RAD21: variants seen among roughly 807,000 people sequenced by gnomAD.
RAD21 encodes RAD21 cohesin complex component.
A neutral mutation model predicts 71.5 loss-of-function variants in RAD21; 18 were observed. The observed-to-expected ratio is 0.25, with a 90% CI of 0.17 to 0.37. RAD21 has a LOEUF of 0.37. Among genes scored for constraint, RAD21 ranks in the 10% least tolerant of loss-of-function variants. The pLI, the probability that RAD21 is intolerant of heterozygous loss-of-function variation, is 1.00. For synonymous variants in RAD21, 248 were observed against 254.0 expected (o/e 0.98, Z 0.22); for missense variants, 493 against 769.1 (o/e 0.64, Z 4.25).
rs1812368929 is a variant in RAD21, at chr8:116,852,376, A to C, written c.1321+173T>G. ...CCAGTTCTGAACCTTAAAACTCTGG[A>C]AAGACAGGAGGCTTCATACTTAAAT... is the stretch of plus-strand genomic sequence containing the variant. On this transcript the variant is annotated intron_variant, in intron 10 of 13. Transcript: ENST00000297338. 3 of 755,794 alleles carry C rather than the reference A, an allele frequency of 4.0e-6. No homozygotes were observed. In the South Asian group the frequency reaches 7.1e-5, roughly 18 times the overall value. 46.8% of individuals were successfully genotyped at this position (755,794 alleles called of 1,614,324 possible).
chr8:116,872,539 T>TAC (rs5894355), intron 1 of RAD21, among the ~76,000 whole-genome samples: 9,862 of 148,264 alleles, frequency 0.067, 402 homozygotes, highest in African/African-American at 0.12. Flanking sequence ...TATATATACA[T>TAC]ACACACACAC....
intron 1 of RAD21, among the ~76,000 whole-genome samples, chr8:116,873,297 G>C (rs1321637447): frequency 6.6e-6 from 1 of 152,158 alleles, no homozygotes; most frequent in Non-Finnish European, 1.5e-5. Flanking sequence ...TATTAGTTAT[G>C]CACTGCTGTC....
intron 8 of RAD21, among the ~76,000 whole-genome samples, chr8:116,855,781 T>G (rs1031190854): frequency 1.3e-5 from 2 of 152,106 alleles, no homozygotes; most frequent in Non-Finnish European, 2.9e-5. Flanking sequence ...AGAATTGTAC[T>G]TTATTGAAAA....
At position 116,856,292 on chromosome 8, in the gene RAD21, T is replaced by TATA; in HGVS notation, c.815-5_815-4insTAT. 2 of 1,174,442 alleles carry TATA rather than the reference T, an allele frequency of 1.7e-6. No individual in the cohort carries two copies. The highest frequency in any genetic ancestry group is 2.1e-6 in the Non-Finnish European group (2 of 952,168). 72.8% of individuals were successfully genotyped at this position (1,174,442 alleles called of 1,614,324 possible). ...TCAGGACTATCAGGCCCACCCACTG[T>TATA]AAAAAAAAAAAAAAAAAAAAAAAGT... On this transcript the variant is annotated splice_polypyrimidine_tract_variant and splice_region_variant and intron_variant, in intron 7 of 13. Coordinates refer to ENST00000297338, the MANE Select transcript of RAD21 (RefSeq NM_006265.3).
At chr8:116,859,099 A>AG (rs1415004927) in intron 4 of RAD21, among the ~76,000 whole-genome samples, 23 of 131,452 alleles carry the variant, frequency 1.7e-4, no homozygotes, top group Non-Finnish European at 2.7e-4. Flanking sequence ...TCGAACTGGG[A>AG]GAAAAAAAAA....
At position 116,854,261 on chromosome 8, in the gene RAD21, T is replaced by C. The variant is rs143272532; in HGVS notation, c.1145A>G (p.Asn382Ser). The change falls in exon 9 of 14, where the codon AAT becomes AGT. Residue 382 changes from asparagine to serine, a missense_variant. This residue lies in a region of RAD21 where 42 missense variants were observed against 117.2 expected (regional missense o/e 0.36). Coordinates refer to ENST00000297338, the MANE Select transcript of RAD21 (RefSeq NM_006265.3). ...LFSLPAQPLW[N>S]NRLLKLFTRC... ...CTATATTACCTTCAGTAGTCTGTTA[T>C]TCCACAAAGGCTGAGCAGGTAAAGA... is the stretch of plus-strand genomic sequence containing the variant. 3.3e-5 allele frequency: 53 copies of C among 1,612,214 alleles called. No homozygotes were observed. Among genetic ancestry groups the C allele is most frequent in the African/African-American group, 5.3e-5 (4 of 74,858 alleles).
intron 2 of RAD21, among the ~76,000 whole-genome samples, 165 bp downstream of exon 2, chr8:116,866,421 T>C (rs1043077966): frequency 6.6e-6 from 1 of 152,150 alleles, no homozygotes; most frequent in Admixed American, 6.6e-5. Context: ...TGTAATCATA[T>C]CAAGTCTATC....
In RAD21 at chr8:116,850,905, A is replaced by G; in HGVS notation, c.1471-138T>C. 5.7e-6 allele frequency: 3 copies of G among 522,482 alleles called. No individual in the cohort carries two copies. The Admixed American group carries it at 1.0e-4, about 18-fold the overall frequency. 32.4% of individuals were successfully genotyped at this position (522,482 alleles called of 1,614,324 possible). On this transcript the variant is annotated intron_variant, in intron 11 of 13. Transcript: ENST00000297338. ...TATATCTCTATACTTCCCCACAAGG[A>G]AAAATTTATTACAGTATATATCTTT...
chr8:116,852,035 T>C lies in RAD21; in HGVS notation c.1383A>G (p.Thr461=), dbSNP rs61758753. Residue 461 remains threonine (T), a synonymous_variant, in exon 11 of 14, where the codon ACA becomes ACG. Transcript: ENST00000297338. ...GAGGCATAGCTGACTCATCTATGTT[T>C]GTTCTGCTGGCCTCCATCACTGACT... ...LQESVMEASR[T]NIDESAMPPP... 1 of 1,612,678 alleles carries C rather than the reference T, an allele frequency of 6.2e-7. No individual in the cohort carries two copies. The highest frequency in any genetic ancestry group is 8.5e-7 in the Non-Finnish European group (1 of 1,178,868).
intron 1 of RAD21, 63 bp from the exon 2 acceptor site, chr8:116,866,824 T>C (rs1812704006): frequency 2.6e-6 from 3 of 1,150,966 alleles, no homozygotes; most frequent in Admixed American, 3.8e-5. Flanking sequence ...TATCAAGACA[T>C]AAGAAATTTA....
chr8:116,851,357 A>G (rs543172079), intron 11 of RAD21: 1 of 152,262 alleles, frequency 6.6e-6, no homozygotes, highest in Non-Finnish European at 1.5e-5. Context: ...ACAGAAAACT[A>G]GTTCTTAAAA....
chr8:116,873,725 C>A (rs1390842096), intron 1 of RAD21, among the ~76,000 whole-genome samples: 1 of 151,856 alleles, frequency 6.6e-6, no homozygotes, highest in Non-Finnish European at 1.5e-5. Context: ...AAGAAGGCCG[C>A]TAAGTCTGGC....
intron 1 of RAD21, among the ~76,000 whole-genome samples, chr8:116,871,912 C>CCAGAG (rs1240201025): frequency 1.2e-4 from 19 of 152,120 alleles, no homozygotes; most frequent in South Asian, 1.2e-3. Context: ...TGCTGCCTTG[C>CCAGAG]CAGAGCAGAA....
chr8:116,866,692 G>T lies in RAD21; in HGVS notation c.38C>A (p.Pro13His). The part of the protein sequence containing the change: ...YAHFVLSKRG[P>H]LAKIWLAAHW... ...GGCCGCTAGCCAAATTTTGGCCAGA[G>T]GCCCTCTTTTACTGAGAACAAAATG... is the stretch of plus-strand genomic sequence containing the variant. Residue 13 changes from proline to histidine, a missense_variant, in exon 2 of 14, where the codon CCT (proline) becomes CAT (histidine). This residue lies in a region of RAD21 where 27 missense variants were observed against 144.1 expected (regional missense o/e 0.19). Transcript: ENST00000297338. The T allele has an allele frequency of 6.2e-7, 1 of 1,613,282 alleles. No individual in the cohort carries two copies. Among genetic ancestry groups the T allele is most frequent in the Non-Finnish European group, 8.5e-7 (1 of 1,179,614 alleles).
At position 116,874,671 on chromosome 8, in the gene RAD21, G is replaced by A. The variant is rs1304453255; in HGVS notation, c.-93C>T. ...CCCGGGGAGGGGAAAAGGGTCGGGGGAGGGGGTGGGGAAAGGGGGGAGCCC... is the reference window on the plus strand; with the variant it reads ...CCCGGGGAGGGGAAAAGGGTCGGGGAAGGGGGTGGGGAAAGGGGGGAGCCC... On this transcript the variant is annotated 5_prime_UTR_variant, in exon 1 of 14. Coordinates refer to ENST00000297338, the MANE Select transcript of RAD21 (RefSeq NM_006265.3). 2.6e-6 allele frequency: 1 copy of A among 383,210 alleles called. No individual in the cohort carries two copies. Among genetic ancestry groups the A allele is most frequent in the African/African-American group, 2.2e-5 (1 of 45,816 alleles). 23.7% of individuals were successfully genotyped at this position (383,210 alleles called of 1,614,324 possible).
intron 1 of RAD21, among the ~76,000 whole-genome samples, chr8:116,871,906 G>T (rs567392058): frequency 2.6e-5 from 4 of 152,318 alleles, no homozygotes; most frequent in African/African-American, 9.6e-5. Flanking sequence ...ACACTATGCT[G>T]CCTTGCCAGA....
At chr8:116,857,129 C>G (rs956859132) in intron 6 of RAD21, 138 bp downstream of exon 6, 1 of 707,908 alleles carries the variant, frequency 1.4e-6, no homozygotes, top group African/African-American at 1.8e-5. Flanking sequence ...CCGAAATGTC[C>G]TATTGAACCA....
Position 116,863,104 on chromosome 8 carries a change from C to T in RAD21, c.274+26G>A, listed in dbSNP as rs1411401972. 1.9e-6 allele frequency: 3 copies of T among 1,584,350 alleles called. No individual in the cohort carries two copies. In the Admixed American group the frequency reaches 5.2e-5, roughly 27 times the overall value. On this transcript the variant is annotated intron_variant, in intron 3 of 13. Transcript: ENST00000297338. The stretch of plus-strand genomic sequence containing the variant: ...GAAACTCCAAAGTAAACAACAACAA[C>T]AAAAACCAAACAAGTTTAACAATAC...
chr8:116,872,198 T>A (rs545274725), intron 1 of RAD21, among the ~76,000 whole-genome samples: 1 of 152,204 alleles, frequency 6.6e-6, no homozygotes, highest in Non-Finnish European at 1.5e-5. Context: ...GGGATGTTAG[T>A]AGGTTATATG....
Sources: allele counts gnomAD v4.1 joint callset (sites outside exome capture counted in the v4.1 genomes callset), GRCh38; gene constraint gnomAD v4.1.1; regional missense constraint gnomAD v4.1.1; transcripts MANE v1.5; gene names NCBI Gene and HGNC (gene_info 2026-07-23, HGNC 2026-07-21).